KIF26B: variants seen among roughly 807,000 people sequenced by gnomAD.
KIF26B encodes the protein kinesin-like protein KIF26B.
A neutral mutation model predicts 151.2 loss-of-function variants in KIF26B; 63 were observed. The observed-to-expected ratio is 0.42, with a 90% CI of 0.34 to 0.51. The LOEUF (loss-of-function observed/expected upper bound fraction) is 0.51. Among genes scored for constraint, KIF26B ranks in the 20% least tolerant of loss-of-function variants. KIF26B has a pLI of 0.07. For missense variants in KIF26B, 2,813 were observed against 2,913.6 expected (o/e 0.97, Z 0.79); for synonymous variants, 1,357 against 1,262.1 (o/e 1.08, Z -1.59).
intron 5 of KIF26B, among the ~76,000 whole-genome samples, chr1:245,577,718 AGCTTTGTGG>A (rs2043136295): frequency 4.1e-5 from 6 of 147,268 alleles, no homozygotes; most frequent in African/African-American, 1.3e-4. Flanking sequence ...TCACCGGAAG[AGCTTTGTGG>A]AACTCCGGGC....
At chr1:245,581,461 A>T (rs1240158687) in intron 5 of KIF26B, among the ~76,000 whole-genome samples, 1 of 152,226 alleles carries the variant, frequency 6.6e-6, no homozygotes, top group African/African-American at 2.4e-5. Context: ...TAGAGAAAGA[A>T]GCTTGCGTGT....
chr1:245,540,079 C>A lies in KIF26B; in HGVS notation c.1167-688C>A, dbSNP rs1661578316. Among the ~76,000 whole-genome samples the A allele has an allele frequency of 6.6e-6, 1 of 152,208 alleles. No individual in the cohort carries two copies. The highest frequency in any genetic ancestry group is 2.1e-4 in the South Asian group (1 of 4,824). On this transcript the variant is annotated intron_variant, in intron 4 of 14. Transcript: ENST00000407071. This position sits in a 1 kb window ranked among gnomAD's most constrained non-coding sequence, Gnocchi z 4.6. Reference sequence around the variant, plus strand: ...TTCCCTGCCTTCACACTCTGTGCCCCCTTCAGTGCTTTGACCCCTTACTCC... The same window carrying A: ...TTCCCTGCCTTCACACTCTGTGCCCACTTCAGTGCTTTGACCCCTTACTCC...
chr1:245,577,667 TC>T lies in KIF26B; in HGVS notation c.1351-24909del, dbSNP rs2043134898. ...GTGGAACTCCAGGCGATGCATCTCC[TC>T]ACCGGAAGAGCTTTGTGGAACTCCG... On this transcript the variant is annotated intron_variant, in intron 5 of 14. Transcript: ENST00000407071. 4.8e-5 allele frequency among the ~76,000 whole-genome samples: 7 copies of T among 145,900 alleles called. No homozygotes were observed. In the South Asian group the frequency reaches 1.3e-3, roughly 28 times the overall value.
intron 2 of KIF26B, among the ~76,000 whole-genome samples, chr1:245,329,044 G>A (rs1010753853): frequency 2.0e-5 from 3 of 152,138 alleles, no homozygotes; most frequent in Non-Finnish European, 4.4e-5. Flanking sequence ...TAAAATGAGG[G>A]CATCTGGATA....
intron 2 of KIF26B, among the ~76,000 whole-genome samples, chr1:245,337,609 G>A (rs1240984724): frequency 6.6e-6 from 1 of 151,616 alleles, no homozygotes; most frequent in Non-Finnish European, 1.5e-5. Context: ...GTTCACGAAT[G>A]TAGTCCATAT....
chr1:245,521,933 G>A (rs993809651), intron 4 of KIF26B, among the ~76,000 whole-genome samples: 12 of 144,504 alleles, frequency 8.3e-5, no homozygotes, highest in East Asian at 2.0e-4. Flanking sequence ...GCAGTGGTGC[G>A]ATCTCGGCTC....
intron 4 of KIF26B, among the ~76,000 whole-genome samples, chr1:245,451,473 T>G (rs1659388197): frequency 1.3e-5 from 2 of 151,952 alleles, no homozygotes; most frequent in Non-Finnish European, 2.9e-5. Flanking sequence ...ATTTATGAAT[T>G]TATTGAGATT....
At chr1:245,184,858 A>T (rs1156880820) in intron 2 of KIF26B, among the ~76,000 whole-genome samples, 6 of 152,152 alleles carry the variant, frequency 3.9e-5, no homozygotes, top group Admixed American at 3.9e-4. Context: ...CCTAAATCTG[A>T]GATGGTAGAC....
At chr1:245,245,925 C>CAAA (rs60181356) in intron 2 of KIF26B, among the ~76,000 whole-genome samples, 46,789 of 111,430 alleles carry the variant, frequency 0.42, 11,328 homozygotes, top group African/African-American at 0.58. Context: ...GACTCCGTCT[C>CAAA]AAAAAAAAAA....
At chr1:245,251,915 A>G (rs953042284) in intron 2 of KIF26B, among the ~76,000 whole-genome samples, 2 of 152,102 alleles carry the variant, frequency 1.3e-5, no homozygotes, top group East Asian at 3.8e-4. Context: ...AATGTATATG[A>G]ATTTTTCTGT....
intron 2 of KIF26B, among the ~76,000 whole-genome samples, chr1:245,261,467 TTCTCTC>T (rs376897211): frequency 0.28 from 31,181 of 111,150 alleles, 4,418 homozygotes; most frequent in Non-Finnish European, 0.34. Flanking sequence ...TTTTCTTTCT[TTCTCTC>T]TCTCTCTCTC....
In KIF26B at chr1:245,375,761, C is replaced by T. The variant is rs970370279; in HGVS notation, c.999+8394C>T. On this transcript the variant is annotated intron_variant, in intron 3 of 14. Transcript: ENST00000407071. The surrounding 1 kb of genome is among the most constrained non-coding windows in gnomAD (Gnocchi z 4.2). Reference sequence around the variant, plus strand: ...AACTGAAAAGCTTGGTAAGGAGAAGCGGGATGGGGTCTACAGACCAAGGAG... The same window carrying T: ...AACTGAAAAGCTTGGTAAGGAGAAGTGGGATGGGGTCTACAGACCAAGGAG... Among the ~76,000 whole-genome samples, 1 of 152,072 alleles carries T rather than the reference C, an allele frequency of 6.6e-6. No homozygotes were observed. The highest frequency in any genetic ancestry group is 1.9e-4 in the East Asian group (1 of 5,186).
chr1:245,289,468 C>T (rs1671220902), intron 2 of KIF26B, among the ~76,000 whole-genome samples: 1 of 152,130 alleles, frequency 6.6e-6, no homozygotes, highest in African/African-American at 2.4e-5. Context: ...GAGAAGGAAC[C>T]AGATGCACCC....
chr1:245,667,616 A>G lies in KIF26B; in HGVS notation c.2259-16617A>G, dbSNP rs1011471669. Among the ~76,000 whole-genome samples, 5 of 152,166 alleles carry G rather than the reference A, an allele frequency of 3.3e-5. No individual in the cohort carries two copies. Among genetic ancestry groups the G allele is most frequent in the Non-Finnish European group, 5.9e-5 (4 of 68,032 alleles). Reference sequence around the variant, plus strand: ...TAGATACTTATTTAAATACTTATAGAAAGACGACTTTATGCCGGACACTGT... The same window carrying G: ...TAGATACTTATTTAAATACTTATAGGAAGACGACTTTATGCCGGACACTGT... On this transcript the variant is annotated intron_variant, in intron 10 of 14. Coordinates refer to ENST00000407071, the MANE Select transcript of KIF26B (RefSeq NM_018012.4). This position sits in a 1 kb window ranked among gnomAD's most constrained non-coding sequence, Gnocchi z 4.3.
intron 10 of KIF26B, among the ~76,000 whole-genome samples, chr1:245,682,711 G>A (rs1008264283): frequency 4.0e-5 from 6 of 151,030 alleles, no homozygotes; most frequent in African/African-American, 1.5e-4. Context: ...AGACCTGACT[G>A]TATATGATCA....
chr1:245,219,376 C>T (rs1017132356), intron 2 of KIF26B, among the ~76,000 whole-genome samples: 25 of 151,868 alleles, frequency 1.6e-4, no homozygotes, highest in Non-Finnish European at 3.1e-4. Flanking sequence ...GCCCCGGCCT[C>T]CCAAAGTGCT....
chr1:245,382,507 T>G (rs1673434014), intron 3 of KIF26B, among the ~76,000 whole-genome samples: 1 of 151,846 alleles, frequency 6.6e-6, no homozygotes, highest in South Asian at 2.1e-4. Context: ...TTGTTTTTGG[T>G]TCTGTACACT....
intron 3 of KIF26B, among the ~76,000 whole-genome samples, chr1:245,390,943 A>AAAAACAAAAAAAAACAAAAC (rs1553270126): frequency 3.4e-5 from 4 of 118,414 alleles, no homozygotes; most frequent in African/African-American, 1.6e-4. Context: ...AAAAAAAAAA[A>AAAAACAAAAAAAAACAAAAC]AAAAAAAAAC....
At position 245,597,051 on chromosome 1, in the gene KIF26B, C is replaced by T. The variant is rs1330275306; in HGVS notation, c.1351-5526C>T. ...GTGACTCAGATGGGTCTCCTGAATACAGCACCCTGATGGGTCTTGACTCTT... is the reference window on the plus strand; with the variant it reads ...GTGACTCAGATGGGTCTCCTGAATATAGCACCCTGATGGGTCTTGACTCTT... On this transcript the variant is annotated intron_variant, in intron 5 of 14. Transcript: ENST00000407071. The surrounding 1 kb of genome is among the most constrained non-coding windows in gnomAD (Gnocchi z 4.6). Among the ~76,000 whole-genome samples the T allele has an allele frequency of 6.6e-6, 1 of 152,216 alleles. No homozygotes were observed. Among genetic ancestry groups the T allele is most frequent in the Non-Finnish European group, 1.5e-5 (1 of 68,044 alleles).
Sources: gnomAD v4.1 joint callset for allele counts (sites outside exome capture counted in the v4.1 genomes callset) on GRCh38, gnomAD v4.1.1 for gene constraint, Gnocchi (gnomAD v3.1) non-coding constraint, MANE v1.5 for transcripts, NCBI Gene and HGNC (gene_info 2026-07-23, HGNC 2026-07-21) for gene names.